UNC5C: variants seen among roughly 807,000 people sequenced by gnomAD.
UNC5C encodes the protein unc-5 netrin receptor C.
UNC5C carries 47 observed loss-of-function variants against 99.8 expected under a neutral mutation model. The ratio of observed to expected loss-of-function variants is 0.47; its 90% CI spans 0.37 to 0.60. UNC5C has a LOEUF of 0.60. Ranked by LOEUF, UNC5C falls within the 20% of genes least tolerant of loss-of-function variation. The pLI is 0.00. For synonymous variants in UNC5C, 487 were observed against 452.2 expected, an observed-to-expected ratio of 1.08 and a Z score of -0.98; for missense variants, 1,062 against 1,165.9, an observed-to-expected ratio of 0.91 and a Z score of 1.30.
chr4:95,467,709 C>T (rs1253771766), intron 1 of UNC5C, among the ~76,000 whole-genome samples: 1 of 152,060 alleles, frequency 6.6e-6, no homozygotes, highest in Admixed American at 6.6e-5. Flanking sequence ...GGGGCACCAA[C>T]CCTTCACATA....
chr4:95,176,689 CT>C (rs1736365078), intron 14 of UNC5C, among the ~76,000 whole-genome samples: 1 of 152,220 alleles, frequency 6.6e-6, no homozygotes, highest in Non-Finnish European at 1.5e-5. Flanking sequence ...TTACTGCTGT[CT>C]TTTTGTTTGT....
chr4:95,288,718 G>A (rs560647861), intron 3 of UNC5C, among the ~76,000 whole-genome samples: 2 of 152,260 alleles, frequency 1.3e-5, no homozygotes, highest in South Asian at 4.1e-4. Context: ...TCCTTGGCTT[G>A]TGGCTACATC....
intron 6 of UNC5C, among the ~76,000 whole-genome samples, chr4:95,243,617 T>C (rs1739401546): frequency 1.3e-5 from 2 of 152,204 alleles, no homozygotes; most frequent in African/African-American, 4.8e-5. Flanking sequence ...ATCATTTTAA[T>C]AGTCTACATA....
intron 3 of UNC5C, among the ~76,000 whole-genome samples, chr4:95,290,870 C>T (rs775872564): frequency 1.3e-5 from 2 of 152,084 alleles, no homozygotes; most frequent in South Asian, 2.1e-4. Context: ...CCAGGAAGAG[C>T]GGTTAGAATG....
intron 1 of UNC5C, among the ~76,000 whole-genome samples, chr4:95,449,558 A>G (rs1233352449): frequency 2.6e-5 from 4 of 152,228 alleles, no homozygotes; most frequent in Non-Finnish European, 5.9e-5. Context: ...CCCCAGAAGA[A>G]TGCCAATTCT....
At chr4:95,344,157 C>T (rs1743681400) in intron 1 of UNC5C, among the ~76,000 whole-genome samples, 1 of 151,818 alleles carries the variant, frequency 6.6e-6, no homozygotes, top group Non-Finnish European at 1.5e-5. Flanking sequence ...TAATCAAACT[C>T]CCAAAGACTC....
At chr4:95,175,300 T>A (rs1384387607) in intron 14 of UNC5C, among the ~76,000 whole-genome samples, 1 of 152,022 alleles carries the variant, frequency 6.6e-6, no homozygotes, top group Non-Finnish European at 1.5e-5. Context: ...TGTTAGCTGG[T>A]TATTTTGCTC....
Position 95,250,508 on chromosome 4 carries a change from T to C in UNC5C, c.754A>G (p.Thr252Ala). ...TCACCATAGACTATGACAGTGGCAG[T>C]TGTACTTTTCCTCTTGGCAACAATG... ...KNIVAKRKST[T>A]ATVIVYVNGG... Residue 252 changes from threonine (T) to alanine (A), a missense_variant, in exon 5 of 16, where the codon ACT (threonine) becomes GCT (alanine). Thr to Ala is a moderately conservative substitution (Grantham distance 58, BLOSUM62 0). Transcript: ENST00000453304. 6.2e-7 allele frequency: 1 copy of C among 1,613,604 alleles called. No homozygotes were observed. The highest frequency in any genetic ancestry group is 8.5e-7 in the Non-Finnish European group (1 of 1,179,866).
intron 2 of UNC5C, among the ~76,000 whole-genome samples, chr4:95,303,398 A>G (rs2149404835): frequency 6.6e-6 from 1 of 152,354 alleles, no homozygotes; most frequent in South Asian, 2.1e-4. Context: ...AGTTTCCCCC[A>G]GGCACTGTGG....
chr4:95,337,848 A>C (rs1379415564), intron 1 of UNC5C, among the ~76,000 whole-genome samples: 1 of 151,982 alleles, frequency 6.6e-6, no homozygotes, highest in African/African-American at 2.4e-5. Flanking sequence ...ATATCATTAT[A>C]GTTTCTGCAG....
intron 3 of UNC5C, among the ~76,000 whole-genome samples, chr4:95,285,212 C>T (rs1034159895): frequency 2.6e-5 from 4 of 152,048 alleles, no homozygotes; most frequent in African/African-American, 9.7e-5. Context: ...TCGTTAAGCA[C>T]ATAATAACTT....
At position 95,190,921 on chromosome 4, in the gene UNC5C, A is replaced by G. The variant is rs543144014; in HGVS notation, c.2137-5725T>C. On this transcript the variant is annotated intron_variant, in intron 12 of 15. Coordinates refer to ENST00000453304, the MANE Select transcript of UNC5C (RefSeq NM_003728.4). ...CCAAAGGCAGGACAAGAGATTCCACAGTAGAAACAAGCAGCTTTCACAATA... is the reference window on the plus strand; with the variant it reads ...CCAAAGGCAGGACAAGAGATTCCACGGTAGAAACAAGCAGCTTTCACAATA... 1.1e-3 allele frequency among the ~76,000 whole-genome samples: 164 copies of G among 152,336 alleles called. 1 individual carries two copies. The highest frequency in any genetic ancestry group is 4.0e-4 in the Non-Finnish European group (27 of 68,030).
chr4:95,355,611 A>AC (rs373678054), intron 1 of UNC5C, among the ~76,000 whole-genome samples: 2 of 144,454 alleles, frequency 1.4e-5, no homozygotes, highest in Admixed American at 7.0e-5. Flanking sequence ...TCTGCGCCCC[A>AC]CCCCCCCAGC....
chr4:95,262,632 A>G (rs1195404110), intron 4 of UNC5C, among the ~76,000 whole-genome samples: 1 of 152,192 alleles, frequency 6.6e-6, no homozygotes, highest in African/African-American at 2.4e-5. Flanking sequence ...TTTTTAAAAA[A>G]AATTAACAAT....
intron 1 of UNC5C, among the ~76,000 whole-genome samples, chr4:95,512,853 T>G (rs933647251): frequency 7.2e-5 from 11 of 152,182 alleles, no homozygotes; most frequent in Admixed American, 2.6e-4. Context: ...CAAAAATTAA[T>G]TTCCAGGTAA....
intron 1 of UNC5C, among the ~76,000 whole-genome samples, chr4:95,465,493 T>C (rs577568089): frequency 2.4e-4 from 37 of 151,938 alleles, no homozygotes; most frequent in African/African-American, 8.2e-4. Context: ...GTTCACAAAA[T>C]GTCCTAGCTC....
chr4:95,237,165 T>G (rs565614118), intron 7 of UNC5C, among the ~76,000 whole-genome samples: 16 of 152,304 alleles, frequency 1.1e-4, no homozygotes, highest in African/African-American at 3.6e-4. Context: ...TTTAAAAATA[T>G]TTTTGACCTG....
At chr4:95,472,919 A>T (rs75430556) in intron 1 of UNC5C, among the ~76,000 whole-genome samples, 2 of 151,726 alleles carry the variant, frequency 1.3e-5, no homozygotes, top group African/African-American at 4.8e-5. Flanking sequence ...AAAAAAAAAA[A>T]TGTGTTCCTG....
At chr4:95,389,540 A>C (rs1745298887) in intron 1 of UNC5C, among the ~76,000 whole-genome samples, 1 of 152,138 alleles carries the variant, frequency 6.6e-6, no homozygotes, top group Non-Finnish European at 1.5e-5. Context: ...GGCTGATATA[A>C]CTTATTAACT....
Sources: gnomAD v4.1 joint callset for allele counts (sites outside exome capture counted in the v4.1 genomes callset) on GRCh38, gnomAD v4.1.1 for gene constraint, MANE v1.5 for transcripts, NCBI Gene and HGNC (gene_info 2026-07-23, HGNC 2026-07-21) for gene names.